SDK1: variants seen among roughly 807,000 people sequenced by gnomAD.
The protein encoded by SDK1 is sidekick cell adhesion molecule 1.
Under a neutral mutation model 245.5 loss-of-function variants are expected in SDK1, and 157 were observed. That is an observed-to-expected ratio of 0.64 (90% CI 0.56 to 0.73). The LOEUF is 0.73. Ranked by LOEUF, SDK1 falls within the 30% of genes least tolerant of loss-of-function variation. The probability of loss-of-function intolerance (pLI) is 0.00; values close to 1 mark genes in which losing one functional copy is unlikely to be tolerated. For missense variants in SDK1, 3,583 were observed against 3,002.3 expected (o/e 1.19, Z -4.52); for synonymous variants, 1,647 against 1,278.5 (o/e 1.29, Z -6.15).
At chr7:3,722,919 A>C (rs1313745658) in intron 4 of SDK1, among the ~76,000 whole-genome samples, 1 of 152,194 alleles carries the variant, frequency 6.6e-6, no homozygotes, top group Admixed American at 6.5e-5. Flanking sequence ...AGCCAGCCTG[A>C]ATCCTTGGTG....
intron 1 of SDK1, among the ~76,000 whole-genome samples, chr7:3,499,755 C>T (rs145530514): frequency 1.3e-5 from 2 of 152,286 alleles, no homozygotes; most frequent in East Asian, 3.9e-4. Flanking sequence ...TGGAGTTTAC[C>T]AAAGCCCCTT....
chr7:3,899,903 G>A (rs1444669115), intron 5 of SDK1, among the ~76,000 whole-genome samples: 1 of 152,236 alleles, frequency 6.6e-6, no homozygotes. Context: ...TGCAGGCATT[G>A]TGTGGAAATC....
At chr7:3,343,223 T>G (rs1487106365) in intron 1 of SDK1, among the ~76,000 whole-genome samples, 4 of 152,244 alleles carry the variant, frequency 2.6e-5, no homozygotes, top group African/African-American at 9.6e-5. Flanking sequence ...CACCAATGCT[T>G]AGAGAAGCTT....
At chr7:3,965,484 G>C (rs1305386998) in intron 9 of SDK1, among the ~76,000 whole-genome samples, 3 of 152,140 alleles carry the variant, frequency 2.0e-5, no homozygotes, top group South Asian at 4.1e-4. Context: ...TGTAGTAGGA[G>C]GTTTTTTGCA....
intron 35 of SDK1, among the ~76,000 whole-genome samples, chr7:4,204,145 C>T (rs910228721): frequency 6.6e-6 from 1 of 152,250 alleles, no homozygotes; most frequent in East Asian, 1.9e-4. Flanking sequence ...GGGTAATGGC[C>T]GCGCTCAATT....
At chr7:3,373,579 G>A (rs891450743) in intron 1 of SDK1, among the ~76,000 whole-genome samples, 3 of 151,188 alleles carry the variant, frequency 2.0e-5, no homozygotes, top group African/African-American at 7.3e-5. Flanking sequence ...TGAAACCCTA[G>A]AAACATTTAA....
chr7:3,452,994 G>T (rs759122932), intron 1 of SDK1, among the ~76,000 whole-genome samples: 87 of 152,232 alleles, frequency 5.7e-4, no homozygotes, highest in Non-Finnish European at 5.7e-4. Flanking sequence ...GGCCATTGTG[G>T]GTTTTAATGC....
At chr7:4,177,579 A>G (rs1398135840) in intron 34 of SDK1, among the ~76,000 whole-genome samples, 3 of 152,074 alleles carry the variant, frequency 2.0e-5, no homozygotes, top group Admixed American at 6.6e-5. Flanking sequence ...AATTTCAAGG[A>G]GAGATTCTGA....
At chr7:3,563,282 T>C (rs545930213) in intron 1 of SDK1, among the ~76,000 whole-genome samples, 1 of 152,242 alleles carries the variant, frequency 6.6e-6, no homozygotes, top group Non-Finnish European at 1.5e-5. Context: ...TTTAGAGTAA[T>C]TACAACGTAT....
rs182117024 is a variant in SDK1 at position 4,075,945 on chromosome 7, G to A, written c.3011-1053G>A. Among the ~76,000 whole-genome samples the A allele has an allele frequency of 1.6e-3, 238 of 152,258 alleles. 1 individual carries two copies. Among genetic ancestry groups the A allele is most frequent in the Admixed American group, 2.7e-3 (41 of 15,298 alleles). ...TGGGATTACAGGTGTGAGCCACCGT[G>A]CCCCGCAGGTCTTTTTTCTCTAAGC... On this transcript the variant is annotated intron_variant, in intron 20 of 44. Coordinates refer to ENST00000404826, the MANE Select transcript of SDK1 (RefSeq NM_152744.4).
intron 40 of SDK1, among the ~76,000 whole-genome samples, chr7:4,229,392 G>A (rs887829924): frequency 3.3e-5 from 5 of 152,138 alleles, no homozygotes; most frequent in Non-Finnish European, 4.4e-5. Context: ...AAATTATCTC[G>A]GTATGACATT....
intron 3 of SDK1, among the ~76,000 whole-genome samples, chr7:3,641,014 CCTTTG>C (rs1346706612): frequency 2.0e-5 from 3 of 151,814 alleles, no homozygotes; most frequent in Non-Finnish European, 2.9e-5. Flanking sequence ...TTTCTTTTCT[CCTTTG>C]CTTTGATAAC....
At chr7:3,562,869 G>GAAATACTTACATATGAAGGGAAGC (rs1779790026) in intron 1 of SDK1, among the ~76,000 whole-genome samples, 1 of 29,440 alleles carries the variant, frequency 3.4e-5, no homozygotes, top group Non-Finnish European at 6.2e-5. Context: ...ATGCTGGGAG[G>GAAATACTTACATATGAAGGGAAGC]AAATACTTAA....
intron 1 of SDK1, among the ~76,000 whole-genome samples, chr7:3,374,716 A>ACCCACACC (rs1554263136): frequency 1.3e-5 from 2 of 151,766 alleles, no homozygotes; most frequent in East Asian, 1.9e-4. Context: ...CACTACACAC[A>ACCCACACC]CCCACACCCC....
intron 1 of SDK1, among the ~76,000 whole-genome samples, chr7:3,506,268 T>G (rs141545989): frequency 1.3e-5 from 2 of 152,170 alleles, no homozygotes. Flanking sequence ...GTGATAGTTT[T>G]ATTTATTTTT....
chr7:3,760,917 G>C (rs1780078899), intron 4 of SDK1, among the ~76,000 whole-genome samples: 1 of 152,132 alleles, frequency 6.6e-6, no homozygotes, highest in African/African-American at 2.4e-5. Context: ...TTCATTGTCT[G>C]GAATGTATCA....
At chr7:3,969,077 C>T (rs1250975139) in intron 10 of SDK1, among the ~76,000 whole-genome samples, 180 bp from the exon 11 acceptor site, 1 of 152,158 alleles carries the variant, frequency 6.6e-6, no homozygotes, top group Non-Finnish European at 1.5e-5. Context: ...GGGGAACCAC[C>T]CTCAGGATCC....
At chr7:3,463,397 T>G (rs1780893611) in intron 1 of SDK1, among the ~76,000 whole-genome samples, 1 of 152,214 alleles carries the variant, frequency 6.6e-6, no homozygotes, top group Admixed American at 6.5e-5. Flanking sequence ...GATTGAGTTT[T>G]GAGCCCTGCA....
chr7:3,749,194 T>C (rs1469745233), intron 4 of SDK1, among the ~76,000 whole-genome samples: 2 of 152,202 alleles, frequency 1.3e-5, no homozygotes, highest in African/African-American at 4.8e-5. Flanking sequence ...TGGAGTGCAG[T>C]GGCATAATCT....
Sources: gnomAD v4.1 joint callset for allele counts (sites outside exome capture counted in the v4.1 genomes callset) on GRCh38, gnomAD v4.1.1 for gene constraint, MANE v1.5 for transcripts, NCBI Gene and HGNC (gene_info 2026-07-23, HGNC 2026-07-21) for gene names.